The following SMYD2 variants were observed in gnomAD, a reference collection of about 807,000 sequenced individuals.
The protein encoded by SMYD2 is SET and MYND domain containing 2, also known as N-lysine methyltransferase SMYD2.
Under a neutral mutation model 59.1 loss-of-function variants are expected in SMYD2, and 53 were observed. The ratio of observed to expected loss-of-function variants is 0.90; its 90% CI spans 0.72 to 1.13. The LOEUF is 1.13. Among genes scored for constraint, SMYD2 ranks in the 50% most tolerant of loss-of-function variants. The pLI is 0.00. For missense variants in SMYD2, 494 were observed against 544.7 expected (o/e 0.91, Z 0.93); for synonymous variants, 208 against 198.8 (o/e 1.05, Z -0.39).
At chr1:214,319,370 G>GT (rs1215391001) in intron 5 of SMYD2, among the ~76,000 whole-genome samples, 1 of 152,148 alleles carries the variant, frequency 6.6e-6, no homozygotes, top group Non-Finnish European at 1.5e-5. Context: ...TATCTGTAGT[G>GT]TTTTTTCACT....
intron 2 of SMYD2, among the ~76,000 whole-genome samples, chr1:214,311,199 C>T (rs1656993800): frequency 6.6e-6 from 1 of 152,202 alleles, no homozygotes. Flanking sequence ...GGGTCAGTTG[C>T]AGCACTTGTT....
intron 1 of SMYD2, among the ~76,000 whole-genome samples, chr1:214,304,329 C>T (rs1026281410): frequency 6.6e-6 from 1 of 151,896 alleles, no homozygotes; most frequent in Non-Finnish European, 1.5e-5. Flanking sequence ...GAGGCTGAGG[C>T]AGGTGGATGG....
intron 5 of SMYD2, among the ~76,000 whole-genome samples, chr1:214,323,556 C>T (rs542433209): frequency 1.3e-5 from 2 of 152,106 alleles, no homozygotes; most frequent in South Asian, 4.2e-4. Context: ...CTCAGCCTCC[C>T]GAGTAGATGG....
chr1:214,303,198 G>C lies in SMYD2; in HGVS notation c.174-1989G>C, dbSNP rs1656854378. 2.6e-5 allele frequency among the ~76,000 whole-genome samples: 4 copies of C among 152,038 alleles called. No individual in the cohort carries two copies. The South Asian group carries it at 8.4e-4, about 32-fold the overall frequency. On this transcript the variant is annotated intron_variant, in intron 1 of 11. Transcript: ENST00000366957. Reference sequence around the variant, plus strand: ...ACTTTTTGGATAGACATTTTTAAAGGGTAGCATCTCCCACCGTTACCTATT... The same window carrying C: ...ACTTTTTGGATAGACATTTTTAAAGCGTAGCATCTCCCACCGTTACCTATT...
intron 2 of SMYD2, among the ~76,000 whole-genome samples, chr1:214,309,441 T>C (rs763781733): frequency 1.6e-4 from 24 of 152,320 alleles, no homozygotes; most frequent in Non-Finnish European, 2.5e-4. Context: ...AGAATAATCA[T>C]TGTGCAGTAG....
chr1:214,327,293 G>A (rs947689280), intron 6 of SMYD2, among the ~76,000 whole-genome samples: 1 of 152,246 alleles, frequency 6.6e-6, no homozygotes, highest in Non-Finnish European at 1.5e-5. Context: ...GTAGCAATTA[G>A]CTGTGGGTAT....
At chr1:214,333,451 T>G (rs1170139776) in intron 10 of SMYD2, 2 of 152,268 alleles carry the variant, frequency 1.3e-5, no homozygotes, top group Non-Finnish European at 2.9e-5. Context: ...GGACTGACTT[T>G]CAGGAGACAC....
intron 7 of SMYD2, among the ~76,000 whole-genome samples, chr1:214,329,363 T>C (rs1657314024): frequency 6.6e-6 from 1 of 151,916 alleles, no homozygotes. Context: ...AGCGGCTTCA[T>C]GAGATCCATC....
intron 1 of SMYD2, among the ~76,000 whole-genome samples, 158 bp downstream of exon 1, chr1:214,281,585 C>T (rs1199223564): frequency 1.3e-5 from 2 of 152,032 alleles, no homozygotes; most frequent in Admixed American, 1.3e-4. Context: ...CGCGCTGCGG[C>T]CCCGCGCTGC....
At chr1:214,324,343 T>C (rs1330049650) in intron 5 of SMYD2, among the ~76,000 whole-genome samples, 1 of 152,312 alleles carries the variant, frequency 6.6e-6, no homozygotes. Context: ...TTAACTCCCA[T>C]GCAAGTGTGC....
rs2102476814 is a variant in SMYD2, at chr1:214,327,675, G to C, written c.656G>C (p.Gly219Ala). 2 of 1,614,140 alleles carry C rather than the reference G, an allele frequency of 1.2e-6. No individual in the cohort carries two copies. Among genetic ancestry groups the C allele is most frequent in the Non-Finnish European group, 1.7e-6 (2 of 1,180,000 alleles). ...CCPNVIVTYK[G>A]TLAEVRAVQE... ...CCCAATGTCATTGTGACCTACAAAG[G>C]GACCCTGGCAGAAGTCAGAGCTGTA... Residue 219 changes from glycine (G) to alanine (A), a missense_variant, in exon 7 of 12, where the codon GGG (glycine) becomes GCG (alanine). Physicochemically the swap from Gly to Ala is moderately conservative, Grantham distance 60. Transcript: ENST00000366957.
chr1:214,310,010 A>G (rs976476992), intron 2 of SMYD2, among the ~76,000 whole-genome samples: 13 of 152,196 alleles, frequency 8.5e-5, no homozygotes, highest in South Asian at 2.1e-4. Context: ...TAAGATGTGG[A>G]TGTGTACAGG....
intron 3 of SMYD2, among the ~76,000 whole-genome samples, 194 bp downstream of exon 3, chr1:214,315,066 A>G (rs970157042): frequency 6.6e-6 from 1 of 152,222 alleles, no homozygotes; most frequent in Non-Finnish European, 1.5e-5. Flanking sequence ...CTGTGCAATT[A>G]GGATGTTGCT....
At chr1:214,330,911 T>C (rs1657341384) in intron 8 of SMYD2, 39 bp from the exon 9 acceptor site, 1 of 1,612,864 alleles carries the variant, frequency 6.2e-7, no homozygotes, top group Non-Finnish European at 8.5e-7. Flanking sequence ...GTGGTTTCCA[T>C]GGGCGGTAAC....
Position 214,330,219 on chromosome 1 carries a change from C to G in SMYD2, c.757C>G (p.Arg253Gly), listed in dbSNP as rs745823948. 6.2e-7 allele frequency: 1 copy of G among 1,613,178 alleles called. No individual in the cohort carries two copies. Among genetic ancestry groups the G allele is most frequent in the Non-Finnish European group, 8.5e-7 (1 of 1,179,514 alleles). The change falls in exon 8 of 12, where the codon CGG (arginine) becomes GGG (glycine). Residue 253 changes from arginine (R) to glycine (G), a missense_variant. Physicochemically the swap from Arg to Gly is moderately radical, Grantham distance 125 (BLOSUM62 -2). Coordinates refer to ENST00000366957, the MANE Select transcript of SMYD2 (RefSeq NM_020197.3). Reference sequence around the variant, plus strand: ...GTACCCAACGGAAGATAGAAATGACCGGTTAAGAGATTCTTATTTCTTTAC... The same window carrying G: ...GTACCCAACGGAAGATAGAAATGACGGGTTAAGAGATTCTTATTTCTTTAC... ...LLYPTEDRNDRLRDSYFFTCE... is the reference protein window; with the variant it reads ...LLYPTEDRNDGLRDSYFFTCE...
chr1:214,331,559 C>A, intron 9 of SMYD2: 1 of 179,356 alleles, frequency 5.6e-6, no homozygotes, highest in Non-Finnish European at 1.2e-5. Context: ...ATATTCTTAA[C>A]CATTGTATTG....
Position 214,336,716 on chromosome 1 carries a change from A to G in SMYD2, c.1234A>G (p.Met412Val), listed in dbSNP as rs1376338119. Reference sequence around the variant, plus strand: ...TGCTTTTTCCTAGGCCATTGCAATCATGGAAGTAGCTCACGGCAAAGATCA... The same window carrying G: ...TGCTTTTTCCTAGGCCATTGCAATCGTGGAAGTAGCTCACGGCAAAGATCA... ...EKALKKAIAI[M>V]EVAHGKDHPY... The change falls in exon 12 of 12, where the codon ATG (methionine) becomes GTG (valine). Residue 412 changes from methionine (M) to valine (V), a missense_variant. By Grantham distance (21) the Met-to-Val change is conservative. Coordinates refer to ENST00000366957, the MANE Select transcript of SMYD2 (RefSeq NM_020197.3). 4 of 1,613,894 alleles carry G rather than the reference A, an allele frequency of 2.5e-6. No individual in the cohort carries two copies. The highest frequency in any genetic ancestry group is 3.4e-6 in the Non-Finnish European group (4 of 1,179,954).
intron 1 of SMYD2, among the ~76,000 whole-genome samples, chr1:214,287,456 G>T (rs1222715285): frequency 6.6e-6 from 1 of 151,618 alleles, no homozygotes; most frequent in East Asian, 1.9e-4. Context: ...GCATAGTGGC[G>T]GGCGCCTGTA....
intron 1 of SMYD2, 110 bp downstream of exon 1, chr1:214,281,537 C>A: frequency 1.0e-6 from 1 of 956,206 alleles, no homozygotes; most frequent in Non-Finnish European, 1.3e-6. Context: ...AGCGCCGGCC[C>A]TTGGGGCGGG....
Sources: allele counts gnomAD v4.1 joint callset (sites outside exome capture counted in the v4.1 genomes callset), GRCh38; gene constraint gnomAD v4.1.1; transcripts MANE v1.5; gene names NCBI Gene and HGNC (gene_info 2026-07-23, HGNC 2026-07-21).